TRAF6: variants seen among roughly 807,000 people sequenced by gnomAD.
TRAF6 encodes the protein TNF receptor-associated factor 6.
Under a neutral mutation model 48.4 loss-of-function variants are expected in TRAF6, and 10 were observed. The ratio of observed to expected loss-of-function variants is 0.21; its 90% CI spans 0.13 to 0.35. The LOEUF (loss-of-function observed/expected upper bound fraction) is 0.35. Among genes scored for constraint, TRAF6 ranks in the 10% least tolerant of loss-of-function variants. The pLI is 1.00. For missense variants in TRAF6, 397 were observed against 661.0 expected (o/e 0.60, Z 4.38); for synonymous variants, 186 against 219.6 (o/e 0.85, Z 1.35).
intron 5 of TRAF6, among the ~76,000 whole-genome samples, chr11:36,494,500 T>C (rs1742945524): frequency 6.6e-6 from 1 of 152,198 alleles, no homozygotes; most frequent in Non-Finnish European, 1.5e-5. Flanking sequence ...AACTTCCCTG[T>C]ATGCCTCAGG....
At position 36,488,063 on chromosome 11, in the gene TRAF6, A is replaced by T. The variant is rs1044525947; in HGVS notation, c.*1775T>A. On this transcript the variant is annotated 3_prime_UTR_variant, in exon 7 of 7. Coordinates refer to ENST00000526995, the MANE Select transcript of TRAF6 (RefSeq NM_004620.4). ...TTCAGTTTTTAAATGGAACTTGACAATTATTTATTCATTGTAAAATAATCA... is the reference window on the plus strand; with the variant it reads ...TTCAGTTTTTAAATGGAACTTGACATTTATTTATTCATTGTAAAATAATCA... 2.6e-5 allele frequency: 4 copies of T among 152,212 alleles called. No homozygotes were observed. Among genetic ancestry groups the T allele is most frequent in the African/African-American group, 9.7e-5 (4 of 41,434 alleles). The allele number at this position is 152,212 out of a possible 1,614,324, so 9.4% of individuals were successfully genotyped here.
At chr11:36,498,183 C>A (rs5030453) in intron 3 of TRAF6, among the ~76,000 whole-genome samples, 1 of 152,010 alleles carries the variant, frequency 6.6e-6, no homozygotes, top group Admixed American at 6.6e-5. Flanking sequence ...TGTGCCTGGC[C>A]GACACCTGTA....
At position 36,486,892 on chromosome 11, in the gene TRAF6, G is replaced by A. The variant is rs1859492339; in HGVS notation, c.*2946C>T. The A allele has an allele frequency of 6.6e-6, 1 of 151,806 alleles. No individual in the cohort carries two copies. Among genetic ancestry groups the A allele is most frequent in the South Asian group, 2.1e-4 (1 of 4,818 alleles). 9.4% of individuals were successfully genotyped at this position (151,806 alleles called of 1,614,324 possible). A position where few individuals can be genotyped will look rare whatever the true frequency, so the allele number is the denominator to read the frequency against. ...TCATCTGAGGTCAGGAGTTCCAGAC[G>A]AGACTGGCCAATATGGTGAAACCCG... On this transcript the variant is annotated 3_prime_UTR_variant, in exon 7 of 7. Coordinates refer to ENST00000526995, the MANE Select transcript of TRAF6 (RefSeq NM_004620.4).
rs1159778832 is a variant in TRAF6 at position 36,510,226 on chromosome 11, C to G, written c.-201G>C. The G allele has an allele frequency of 6.6e-6, 1 of 152,258 alleles. No homozygotes were observed. 9.4% of individuals were successfully genotyped at this position (152,258 alleles called of 1,614,324 possible). ...CTTCGCCACCTTCGCTGGCCGCCCGCAGGCCAAGCCCCAGCTGCGGACGCC... is the reference window on the plus strand; with the variant it reads ...CTTCGCCACCTTCGCTGGCCGCCCGGAGGCCAAGCCCCAGCTGCGGACGCC... On this transcript the variant is annotated 5_prime_UTR_variant, in exon 1 of 7. Transcript: ENST00000526995.
intron 6 of TRAF6, among the ~76,000 whole-genome samples, chr11:36,492,029 C>A (rs116344917): frequency 1.2e-4 from 18 of 152,152 alleles, no homozygotes; most frequent in African/African-American, 4.3e-4. Context: ...TCATTCTAGA[C>A]GCCTCCCTCT....
chr11:36,492,679 T>C (rs748089966), intron 5 of TRAF6, 51 bp from the exon 6 acceptor site: 1 of 1,371,226 alleles, frequency 7.3e-7, no homozygotes, highest in Non-Finnish European at 1.0e-6. Context: ...TATCATTTTC[T>C]AGTTTGATGC....
At position 36,491,889 on chromosome 11, in the gene TRAF6, T is replaced by G. The variant is rs1413707645; in HGVS notation, c.756+662A>C. On this transcript the variant is annotated intron_variant, in intron 6 of 6. Coordinates refer to ENST00000526995, the MANE Select transcript of TRAF6 (RefSeq NM_004620.4). The stretch of plus-strand genomic sequence containing the variant: ...CTGTTCCCTAGCTGGGTGAAGTCAT[T>G]ATCTGTAATTCAATACATTAAAACA... 2.0e-5 allele frequency among the ~76,000 whole-genome samples: 3 copies of G among 152,186 alleles called. No homozygotes were observed. The South Asian group carries it at 6.2e-4, about 32-fold the overall frequency.
intron 3 of TRAF6, 40 bp from the exon 4 acceptor site, chr11:36,497,306 T>C: frequency 1.3e-6 from 2 of 1,576,734 alleles, no homozygotes; most frequent in Non-Finnish European, 1.7e-6. Context: ...TAGCCAACTC[T>C]GAAGTCTTCT....
rs1328677531 is a variant in TRAF6, at chr11:36,490,833, A to G, written c.757-183T>C. Among the ~76,000 whole-genome samples the G allele has an allele frequency of 6.6e-6, 1 of 152,204 alleles. No individual in the cohort carries two copies. Among genetic ancestry groups the G allele is most frequent in the Non-Finnish European group, 1.5e-5 (1 of 68,028 alleles). On this transcript the variant is annotated intron_variant, in intron 6 of 6. Coordinates refer to ENST00000526995, the MANE Select transcript of TRAF6 (RefSeq NM_004620.4). This position sits in a 1 kb window ranked among gnomAD's most constrained non-coding sequence, Gnocchi z 6.4. Reference sequence around the variant, plus strand: ...GCGACTCTGCCTCTTAGTTCACTGAAAAACAGACTATCTGATGACTACTCT... The same window carrying G: ...GCGACTCTGCCTCTTAGTTCACTGAGAAACAGACTATCTGATGACTACTCT...
At chr11:36,492,447 A>T in intron 6 of TRAF6, 104 bp downstream of exon 6, 3 of 969,288 alleles carry the variant, frequency 3.1e-6, no homozygotes, top group Non-Finnish European at 4.7e-6. Flanking sequence ...CACTTATTAC[A>T]CTGCTTTACA....
At position 36,489,157 on chromosome 11, in the gene TRAF6, T is replaced by C. The variant is rs1298259654; in HGVS notation, c.*681A>G. On this transcript the variant is annotated 3_prime_UTR_variant, in exon 7 of 7. Transcript: ENST00000526995. ...TACTTCGTAACCTCAAGGAAATAAG[T>C]AAGCAAGGCAGAAGGAACACTTAAA... is the stretch of plus-strand genomic sequence containing the variant. 1 of 152,466 alleles carries C rather than the reference T, an allele frequency of 6.6e-6. No individual in the cohort carries two copies. The highest frequency in any genetic ancestry group is 1.5e-5 in the Non-Finnish European group (1 of 68,072). 9.4% of individuals were successfully genotyped at this position (152,466 alleles called of 1,614,324 possible).
At chr11:36,504,022 T>C (rs1273957744) in intron 1 of TRAF6, among the ~76,000 whole-genome samples, 2 of 152,194 alleles carry the variant, frequency 1.3e-5, no homozygotes, top group Non-Finnish European at 1.5e-5. Flanking sequence ...GTATATACCT[T>C]AATTTAAAAA....
At chr11:36,502,183 C>T (rs1158979008) in intron 1 of TRAF6, among the ~76,000 whole-genome samples, 3 of 152,124 alleles carry the variant, frequency 2.0e-5, no homozygotes, top group Non-Finnish European at 2.9e-5. Context: ...GTCTAAAATT[C>T]TATAAGGACT....
In TRAF6 at chr11:36,483,947, T is replaced by C. The variant is rs905039582; in HGVS notation, c.*5891A>G. 2.0e-5 allele frequency among the ~76,000 whole-genome samples: 3 copies of C among 152,188 alleles called. No individual in the cohort carries two copies. The highest frequency in any genetic ancestry group is 4.4e-5 in the Non-Finnish European group (3 of 68,028). The stretch of plus-strand genomic sequence containing the variant: ...TCAAGGAACACTTTTGGTCATACCT[T>C]GCAACCAGTACTGAGACATGACATA... On this transcript the variant is annotated 3_prime_UTR_variant, in exon 7 of 7. Transcript: ENST00000526995.
rs1402055613 is a variant in TRAF6 at position 36,488,955 on chromosome 11, T to C, written c.*883A>G. ...GCTGACTACTTGGGTCACTTTTAAT[T>C]TTTATGTTGCTGATTGTATGTGTGC... On this transcript the variant is annotated 3_prime_UTR_variant, in exon 7 of 7. Transcript: ENST00000526995. 1.3e-5 allele frequency: 2 copies of C among 152,328 alleles called. No individual in the cohort carries two copies. Among genetic ancestry groups the C allele is most frequent in the Non-Finnish European group, 2.9e-5 (2 of 68,018 alleles). 9.4% of individuals were successfully genotyped at this position (152,328 alleles called of 1,614,324 possible).
chr11:36,496,982 C>T, intron 4 of TRAF6, 126 bp downstream of exon 4: 5 of 1,010,076 alleles, frequency 5.0e-6, no homozygotes, highest in East Asian at 2.8e-5. Flanking sequence ...ATCATTTTTC[C>T]CAAAATTGAT....
rs1859646306 is a variant in TRAF6 at position 36,496,985 on chromosome 11, A to G, written c.606+123T>C. 46 of 1,045,958 alleles carry G rather than the reference A, an allele frequency of 4.4e-5. 1 individual carries two copies. In the South Asian group the frequency reaches 7.6e-4, roughly 17 times the overall value. The allele number at this position is 1,045,958 out of a possible 1,614,324, so 64.8% of individuals were successfully genotyped here. A position where few individuals can be genotyped will look rare whatever the true frequency, so the allele number is the denominator to read the frequency against. On this transcript the variant is annotated intron_variant, in intron 4 of 6. Transcript: ENST00000526995. ...TTTTTCTTAAAAATCATTTTTCCCA[A>G]AATTGATAATGTAGACTCAGAGTCG...
rs372516164 is a variant in TRAF6, at chr11:36,500,357, G to C, written c.296+863C>G. 5.2e-4 allele frequency among the ~76,000 whole-genome samples: 79 copies of C among 152,270 alleles called. No individual in the cohort carries two copies. In the South Asian group the frequency reaches 0.015, roughly 30 times the overall value. On this transcript the variant is annotated intron_variant, in intron 2 of 6. Coordinates refer to ENST00000526995, the MANE Select transcript of TRAF6 (RefSeq NM_004620.4). Reference sequence around the variant, plus strand: ...AGCTGTGGCAAGAGTGTTACAAACAGAAGAGCTAAAGCCACCACTCACCAA... The same window carrying C: ...AGCTGTGGCAAGAGTGTTACAAACACAAGAGCTAAAGCCACCACTCACCAA...
intron 1 of TRAF6, among the ~76,000 whole-genome samples, chr11:36,504,171 T>C (rs1859755778): frequency 1.3e-5 from 2 of 151,926 alleles, no homozygotes; most frequent in South Asian, 4.1e-4. Flanking sequence ...GAGGTGGCTG[T>C]GAAAATTTCT....
Sources: gnomAD v4.1 joint callset for allele counts (sites outside exome capture counted in the v4.1 genomes callset) on GRCh38, gnomAD v4.1.1 for gene constraint, Gnocchi (gnomAD v3.1) non-coding constraint, MANE v1.5 for transcripts, NCBI Gene and HGNC (gene_info 2026-07-23, HGNC 2026-07-21) for gene names.